The following CFAP299 variants were observed in gnomAD, a reference collection of about 807,000 sequenced individuals.
The protein encoded by CFAP299 is cilia and flagella associated protein 299.
CFAP299 carries 21 observed loss-of-function variants against 27.0 expected under a neutral mutation model. The ratio of observed to expected loss-of-function variants is 0.78; its 90% CI spans 0.55 to 1.12. The LOEUF is 1.12. CFAP299 is among the 50% of genes most tolerant of loss of function. The pLI is 0.00. For synonymous variants in CFAP299, 104 were observed against 98.1 expected, an observed-to-expected ratio of 1.06 and a Z score of -0.36; for missense variants, 310 against 276.6, an observed-to-expected ratio of 1.12 and a Z score of -0.86.
rs567917165 is a variant in CFAP299 at position 80,921,986 on chromosome 4, CA to C, written c.477-22823del. Among the ~76,000 whole-genome samples the C allele has an allele frequency of 8.4e-4, 128 of 151,966 alleles. 2 individuals carry two copies. Among genetic ancestry groups the C allele is most frequent in the Middle Eastern group, 3.4e-3 (1 of 292 alleles). On this transcript the variant is annotated intron_variant, in intron 4 of 5. Coordinates refer to ENST00000358105, the MANE Select transcript of CFAP299 (RefSeq NM_152770.3). ...AATGTAAGATAGAAAATTCAGGGTTCAGGGGGAAGATCAAGGACTCAGTTCT... is the reference window on the plus strand; with the variant it reads ...AATGTAAGATAGAAAATTCAGGGTTCGGGGGAAGATCAAGGACTCAGTTCT...
At chr4:80,378,806 T>C (rs559809368) in intron 2 of CFAP299, among the ~76,000 whole-genome samples, 1 of 152,250 alleles carries the variant, frequency 6.6e-6, no homozygotes, top group African/African-American at 2.4e-5. Context: ...GGATTAAGTA[T>C]GCTAATATTT....
chr4:80,742,344 T>C (rs1478001279), intron 3 of CFAP299, among the ~76,000 whole-genome samples: 1 of 152,216 alleles, frequency 6.6e-6, no homozygotes, highest in African/African-American at 2.4e-5. Flanking sequence ...TACTATTACC[T>C]AATAAAAGAC....
chr4:80,787,318 T>TTG (rs1727304380), intron 3 of CFAP299, among the ~76,000 whole-genome samples: 1 of 151,366 alleles, frequency 6.6e-6, no homozygotes, highest in Non-Finnish European at 1.5e-5. Flanking sequence ...GTTGTTAATG[T>TTG]TGTGTGTGTT....
intron 2 of CFAP299, among the ~76,000 whole-genome samples, chr4:80,492,476 T>C (rs1303031467): frequency 6.6e-6 from 1 of 152,134 alleles, no homozygotes; most frequent in Non-Finnish European, 1.5e-5. Context: ...AGGATCCAGG[T>C]AAAATAGATG....
At chr4:80,535,255 GA>G (rs1266433063) in intron 2 of CFAP299, among the ~76,000 whole-genome samples, 19 of 152,058 alleles carry the variant, frequency 1.2e-4, no homozygotes, top group African/African-American at 4.1e-4. Flanking sequence ...TTTAGAATGG[GA>G]AAAATACCAT....
rs953376621 is a variant in CFAP299, at chr4:80,932,777, G to A, written c.477-12033G>A. ...AGTGTTTAAATGATTTGTAGGTGTGGAGACCACACATCTGATTGCCCAGGA... is the reference window on the plus strand; with the variant it reads ...AGTGTTTAAATGATTTGTAGGTGTGAAGACCACACATCTGATTGCCCAGGA... On this transcript the variant is annotated intron_variant, in intron 4 of 5. Coordinates refer to ENST00000358105, the MANE Select transcript of CFAP299 (RefSeq NM_152770.3). 2.6e-5 allele frequency among the ~76,000 whole-genome samples: 4 copies of A among 152,156 alleles called. No individual in the cohort carries two copies. In the South Asian group the frequency reaches 8.3e-4, roughly 32 times the overall value.
intron 4 of CFAP299, among the ~76,000 whole-genome samples, chr4:80,892,447 C>A (rs1332241444): frequency 6.6e-6 from 1 of 152,030 alleles, no homozygotes; most frequent in Non-Finnish European, 1.5e-5. Flanking sequence ...TTGGTCTGGG[C>A]AAAAATTTCT....
chr4:80,619,956 T>C (rs1042363601), intron 3 of CFAP299, among the ~76,000 whole-genome samples: 51 of 152,206 alleles, frequency 3.4e-4, no homozygotes, highest in African/African-American at 1.2e-3. Context: ...TATAGAAACA[T>C]ATTGTTATAT....
chr4:80,423,533 G>A (rs909011226), intron 2 of CFAP299, among the ~76,000 whole-genome samples: 1 of 152,154 alleles, frequency 6.6e-6, no homozygotes, highest in African/African-American at 2.4e-5. Context: ...TCAACTGTGT[G>A]GGCTCCAGAC....
At chr4:80,390,182 T>C (rs1725248974) in intron 2 of CFAP299, among the ~76,000 whole-genome samples, 1 of 152,058 alleles carries the variant, frequency 6.6e-6, no homozygotes, top group South Asian at 2.1e-4. Context: ...AATATGGTGT[T>C]ATTAACTATA....
chr4:80,690,387 A>G (rs977431070), intron 3 of CFAP299, among the ~76,000 whole-genome samples: 1 of 152,318 alleles, frequency 6.6e-6, no homozygotes, highest in East Asian at 1.9e-4. Flanking sequence ...GGATTAAGAA[A>G]CTCACTCAAA....
At chr4:80,895,857 T>C (rs1446263987) in intron 4 of CFAP299, among the ~76,000 whole-genome samples, 1 of 151,954 alleles carries the variant, frequency 6.6e-6, no homozygotes, top group Non-Finnish European at 1.5e-5. Flanking sequence ...GAATAAGAAA[T>C]TAGAATTCAT....
At chr4:80,546,314 C>A (rs965330751) in intron 2 of CFAP299, among the ~76,000 whole-genome samples, 4 of 152,106 alleles carry the variant, frequency 2.6e-5, no homozygotes, top group African/African-American at 9.7e-5. Flanking sequence ...AAATCAGTAG[C>A]ATTGCTATAC....
rs146865465 is a variant in CFAP299, at chr4:80,340,064, G to A, written c.111+4185G>A. On this transcript the variant is annotated intron_variant, in intron 1 of 5. Transcript: ENST00000358105. ...AGATGGCTGACTAGAAGCAACTGCA[G>A]TCCATGGCTGTCATGGAGAAGAATG... Among the ~76,000 whole-genome samples, 1,332 of 152,312 alleles carry A rather than the reference G, an allele frequency of 8.7e-3. 23 individuals are homozygous for A. The highest frequency in any genetic ancestry group is 0.03 in the African/African-American group (1,228 of 41,572).
chr4:80,692,807 G>A (rs1333244842), intron 3 of CFAP299, among the ~76,000 whole-genome samples: 1 of 151,976 alleles, frequency 6.6e-6, no homozygotes, highest in African/African-American at 2.4e-5. Context: ...TCTGACAAAG[G>A]GCTGATATCC....
intron 3 of CFAP299, among the ~76,000 whole-genome samples, chr4:80,600,308 G>T (rs1737267701): frequency 6.6e-6 from 1 of 152,052 alleles, no homozygotes; most frequent in Admixed American, 6.6e-5. Context: ...CTACGTGAAT[G>T]AACTCCCCTT....
chr4:80,742,077 AG>A (rs1299318998), intron 3 of CFAP299, among the ~76,000 whole-genome samples: 1 of 152,142 alleles, frequency 6.6e-6, no homozygotes, highest in Non-Finnish European at 1.5e-5. Flanking sequence ...AGATGGGGGA[AG>A]GGTCACTTCA....
rs187386868 is a variant in CFAP299, at chr4:80,852,510, T to C, written c.334-17483T>C. Among the ~76,000 whole-genome samples the C allele has an allele frequency of 3.8e-3, 578 of 152,266 alleles. 1 individual carries two copies. The highest frequency in any genetic ancestry group is 0.014 in the Middle Eastern group (4 of 292). ...TAAATCAAAAAGAGAAGTTTGAACATAGAATTGTTTTTATGGCAAACAAAA... is the reference window on the plus strand; with the variant it reads ...TAAATCAAAAAGAGAAGTTTGAACACAGAATTGTTTTTATGGCAAACAAAA... On this transcript the variant is annotated intron_variant, in intron 3 of 5. Transcript: ENST00000358105.
At chr4:80,626,528 A>G (rs1738915062) in intron 3 of CFAP299, among the ~76,000 whole-genome samples, 1 of 151,838 alleles carries the variant, frequency 6.6e-6, no homozygotes, top group African/African-American at 2.4e-5. Flanking sequence ...AGGAAATAAT[A>G]AAAATCAGGA....
Sources: gnomAD v4.1 joint callset for allele counts (sites outside exome capture counted in the v4.1 genomes callset) on GRCh38, gnomAD v4.1.1 for gene constraint, MANE v1.5 for transcripts, NCBI Gene and HGNC (gene_info 2026-07-23, HGNC 2026-07-21) for gene names.